Variants in MID1 observed in about 807,000 individuals in gnomAD.
MID1 encodes E3 ubiquitin-protein ligase Midline-1.
MID1 carries 7 observed loss-of-function variants against 40.4 expected under a neutral mutation model. The ratio of observed to expected loss-of-function variants is 0.17; its 90% CI spans 0.10 to 0.33. MID1 has a LOEUF of 0.33. Ranked by LOEUF, MID1 falls within the 10% of genes least tolerant of loss-of-function variation. MID1 has a pLI of 1.00. For synonymous variants in MID1, 229 were observed against 221.2 expected, an observed-to-expected ratio of 1.04 and a Z score of -0.31; for missense variants, 367 against 558.5, an observed-to-expected ratio of 0.66 and a Z score of 3.46.
At chrX:10,547,650 GAAAAGAAAAGAAAAAAAGAAAAGAA>G (rs1223188679) in intron 2 of MID1, among the ~76,000 whole-genome samples, 1 of 84,429 alleles carries the variant, frequency 1.2e-5, no homozygotes, top group East Asian at 3.5e-4. Flanking sequence ...GAAGGAAAGA[GAAAAGAAAAGAAAAAAAGAAAAGAA>G]AAAAGAAAAG....
intron 1 of MID1, among the ~76,000 whole-genome samples, chrX:10,647,267 C>T (rs761650488): frequency 8.9e-6 from 1 of 111,784 alleles, no homozygotes; most frequent in South Asian, 3.8e-4. Context: ...AGCTCCCGAT[C>T]CAGCATTGTT....
At chrX:10,505,071 A>G (rs556071048) in intron 3 of MID1, among the ~76,000 whole-genome samples, 1 of 111,958 alleles carries the variant, frequency 8.9e-6, no homozygotes, top group Non-Finnish European at 1.9e-5. Flanking sequence ...TTTGATGAAA[A>G]TATCTGTAAA....
intron 1 of MID1, among the ~76,000 whole-genome samples, chrX:10,750,528 G>A (rs1347401952): frequency 9.0e-6 from 1 of 110,748 alleles, no homozygotes; most frequent in African/African-American, 3.3e-5. Context: ...CTACTTGGGA[G>A]GCTGAGGCAC....
chrX:10,731,952 G>A (rs1363766720), intron 1 of MID1, among the ~76,000 whole-genome samples: 1 of 63,548 alleles, frequency 1.6e-5, no homozygotes, highest in Non-Finnish European at 2.6e-5. Flanking sequence ...GGGCGACAGA[G>A]CAAGAATCTA....
Position 10,632,756 on chromosome X carries a change from C to T in MID1, c.-186-12337G>A, listed in dbSNP as rs1202738461. Among the ~76,000 whole-genome samples, 8 of 111,277 alleles carry T rather than the reference C, an allele frequency of 7.2e-5. No homozygotes were observed. The East Asian group carries it at 2.0e-3, about 27-fold the overall frequency. On this transcript the variant is annotated intron_variant, in intron 1 of 10. Coordinates refer to the MID1 transcript ENST00000380785. ...TCAGGTACTCCAGCCCAAGCCTGCC[C>T]ACCACCTGTTTTTGTATGGTCCATG...
intron 1 of MID1, among the ~76,000 whole-genome samples, chrX:10,702,380 C>G (rs1376619805): frequency 8.9e-6 from 1 of 111,976 alleles, no homozygotes; most frequent in Non-Finnish European, 1.9e-5. Context: ...TATAGTATGT[C>G]TTCAAAAATC....
chrX:10,780,129 C>T (rs1188783577), intron 1 of MID1, among the ~76,000 whole-genome samples: 1 of 110,205 alleles, frequency 9.1e-6, no homozygotes, highest in Non-Finnish European at 1.9e-5. Flanking sequence ...CCACGCCCAG[C>T]TAACTTTTGT....
chrX:10,696,669 G>A (rs182816447), intron 1 of MID1, among the ~76,000 whole-genome samples: 1 of 111,605 alleles, frequency 9.0e-6, no homozygotes, highest in African/African-American at 3.2e-5. Flanking sequence ...TGAATATATT[G>A]GGTTAAATAA....
intron 1 of MID1, among the ~76,000 whole-genome samples, chrX:10,773,178 T>C (rs2043781278): frequency 8.9e-6 from 1 of 112,254 alleles, no homozygotes. Flanking sequence ...ATAGATTGTA[T>C]AGGAAATGCA....
chrX:10,686,582 C>T (rs1032262318), intron 1 of MID1, among the ~76,000 whole-genome samples: 20 of 112,186 alleles, frequency 1.8e-4, no homozygotes, highest in Non-Finnish European at 1.1e-4. Context: ...AAAGCTTTCC[C>T]TTAGTCCCAA....
At chrX:10,557,416 C>T (rs754791352) in intron 2 of MID1, among the ~76,000 whole-genome samples, 8 of 112,135 alleles carry the variant, frequency 7.1e-5, no homozygotes, top group African/African-American at 2.6e-4. Flanking sequence ...CAGAACCACT[C>T]AAAAGGCAAT....
At chrX:10,646,365 G>A (rs1183122388) in intron 1 of MID1, among the ~76,000 whole-genome samples, 4 of 111,655 alleles carry the variant, frequency 3.6e-5, no homozygotes, top group East Asian at 2.8e-4. Flanking sequence ...AGAGGCCACC[G>A]GGTATAAGAC....
At chrX:10,639,752 G>A (rs1172187398) in intron 1 of MID1, among the ~76,000 whole-genome samples, 2 of 111,582 alleles carry the variant, frequency 1.8e-5, no homozygotes, top group African/African-American at 6.5e-5. Context: ...AAAATGTTAA[G>A]GGCAGCCAGA....
intron 2 of MID1, among the ~76,000 whole-genome samples, chrX:10,553,349 G>T (rs1933998930): frequency 9.0e-6 from 1 of 110,973 alleles, no homozygotes; most frequent in African/African-American, 3.3e-5. Context: ...CCATGTTTGA[G>T]ATATCTTTGT....
At position 10,495,618 on chromosome X, in the gene MID1, C is replaced by T. The variant is rs1261715086; in HGVS notation, c.830G>A (p.Arg277Gln). Residue 277 changes from arginine to glutamine, a missense_variant, in exon 4 of 10, where the codon CGA becomes CAA. This residue lies in a region of MID1 where 275 missense variants were observed against 383.1 expected (regional missense o/e 0.72). Transcript: ENST00000317552. ...DLLIEIIQQRRQIIGTKIKEG... is the reference protein window; with the variant it reads ...DLLIEIIQQRQQIIGTKIKEG... ...TTTGATCTTGGTTCCAATAATCTGT[C>T]GTCTTTGCTGAATGATCTCAATGAG... 10 of 1,208,019 alleles carry T rather than the reference C, an allele frequency of 8.3e-6. No homozygotes were observed. Among genetic ancestry groups the T allele is most frequent in the African/African-American group, 1.7e-5 (1 of 57,171 alleles).
At chrX:10,746,400 T>C (rs1486777637) in intron 1 of MID1, among the ~76,000 whole-genome samples, 3 of 112,351 alleles carry the variant, frequency 2.7e-5, no homozygotes, top group African/African-American at 9.7e-5. Flanking sequence ...TGGGTTTCTA[T>C]TTCCAAGGTT....
intron 1 of MID1, among the ~76,000 whole-genome samples, chrX:10,724,129 C>A (rs1330301770): frequency 9.0e-6 from 1 of 111,424 alleles, no homozygotes; most frequent in Non-Finnish European, 1.9e-5. Flanking sequence ...GTGGTATTAT[C>A]TCGGCTCACT....
chrX:10,776,773 C>A (rs1169283405), intron 1 of MID1, among the ~76,000 whole-genome samples: 2 of 110,858 alleles, frequency 1.8e-5, no homozygotes, highest in Non-Finnish European at 3.8e-5. Flanking sequence ...CAATGCATGA[C>A]CCAGTTTCTA....
intron 1 of MID1, among the ~76,000 whole-genome samples, chrX:10,713,073 G>C (rs992216340): frequency 9.0e-6 from 1 of 111,283 alleles, no homozygotes; most frequent in African/African-American, 3.3e-5. Flanking sequence ...CTGACCTTGT[G>C]ATCCACCCAC....
Sources: gnomAD v4.1 joint callset for allele counts (sites outside exome capture counted in the v4.1 genomes callset) on GRCh38, gnomAD v4.1.1 for gene constraint, gnomAD v4.1.1 regional missense constraint, MANE v1.5 for transcripts, NCBI Gene and HGNC (gene_info 2026-07-23, HGNC 2026-07-21) for gene names.